MASP1: variants seen among roughly 807,000 people sequenced by gnomAD.
MASP1 encodes the protein MBL associated serine protease 1, also known as mannan-binding lectin serine protease 1.
In MASP1, 59 loss-of-function variants were observed where a neutral mutation model predicts 77.1. The ratio of observed to expected loss-of-function variants is 0.77; its 90% CI spans 0.62 to 0.95. MASP1 has a LOEUF of 0.95. MASP1 is among the 40% of genes least tolerant of loss of function. MASP1 has a pLI of 0.00. For synonymous variants in MASP1, 362 were observed against 354.5 expected, an observed-to-expected ratio of 1.02 and a Z score of -0.24; for missense variants, 885 against 912.9, an observed-to-expected ratio of 0.97 and a Z score of 0.39.
intron 11 of MASP1, among the ~76,000 whole-genome samples, chr3:187,226,692 A>T (rs1475324700): frequency 6.6e-6 from 1 of 152,164 alleles, no homozygotes; most frequent in Non-Finnish European, 1.5e-5. Flanking sequence ...TATGATCCTA[A>T]TCTGAAGATG....
chr3:187,220,802 C>T (rs952532129), intron 15 of MASP1, among the ~76,000 whole-genome samples: 3 of 152,150 alleles, frequency 2.0e-5, no homozygotes, highest in Non-Finnish European at 2.9e-5. Context: ...CCGGCCAAGG[C>T]CTCTTTCTTA....
chr3:187,274,928 C>A (rs1013442467), intron 2 of MASP1, among the ~76,000 whole-genome samples: 1 of 150,690 alleles, frequency 6.6e-6, no homozygotes, highest in Non-Finnish European at 1.5e-5. Context: ...AGGTGGGAAA[C>A]CAGCAGTGCC....
At chr3:187,291,181 C>G in intron 1 of MASP1, 1 of 209,996 alleles carries the variant, frequency 4.8e-6, no homozygotes, top group Non-Finnish European at 9.9e-6. Flanking sequence ...CAGAGCCAAG[C>G]TATGGGAAGC....
At chr3:187,282,823 G>A (rs1188527813) in intron 2 of MASP1, among the ~76,000 whole-genome samples, 1 of 152,196 alleles carries the variant, frequency 6.6e-6, no homozygotes, top group Non-Finnish European at 1.5e-5. Flanking sequence ...AAGCACAAGT[G>A]GAGAAGTCTA....
chr3:187,249,875 G>A (rs1159666326), intron 8 of MASP1, among the ~76,000 whole-genome samples: 7 of 152,224 alleles, frequency 4.6e-5, no homozygotes, highest in Non-Finnish European at 1.0e-4. Context: ...ATGGCCATGT[G>A]AAGACTAGCA....
chr3:187,237,477 G>C (rs1299532398), intron 10 of MASP1, among the ~76,000 whole-genome samples: 1 of 152,260 alleles, frequency 6.6e-6, no homozygotes, highest in African/African-American at 2.4e-5. Flanking sequence ...GGGCATCCAG[G>C]GTTGGGGAAA....
exon 16 of MASP1, chr3:187,217,313 A>G (rs1711829958): frequency 6.6e-6 from 1 of 152,214 alleles, no homozygotes; most frequent in Non-Finnish European, 1.5e-5. Flanking sequence ...ATTAGAACTA[A>G]TGTTTGTTTT....
chr3:187,266,670 A>G (rs1186160066), intron 2 of MASP1, among the ~76,000 whole-genome samples: 2 of 152,168 alleles, frequency 1.3e-5, no homozygotes, highest in Non-Finnish European at 2.9e-5. Flanking sequence ...ACTACCCATT[A>G]CCTGGCGTCA....
At chr3:187,283,863 C>G (rs527347623) in intron 2 of MASP1, among the ~76,000 whole-genome samples, 2 of 152,046 alleles carry the variant, frequency 1.3e-5, no homozygotes, top group African/African-American at 4.8e-5. Flanking sequence ...GGGAATGGGC[C>G]GGGAGATTCC....
At chr3:187,219,544 A>G (rs1711913734) in exon 16 of MASP1, 1 of 163,746 alleles carries the variant, frequency 6.1e-6, no homozygotes, top group South Asian at 1.7e-4. Context: ...AAAAAAGCAT[A>G]CAGCATTTAA....
Position 187,234,920 on chromosome 3 carries a change from A to G in MASP1, c.*764T>C. On this transcript the variant is annotated 3_prime_UTR_variant, in exon 11 of 11. Transcript: ENST00000296280. The stretch of plus-strand genomic sequence containing the variant: ...GTCAGCTGGTGTTCCAGGGTGGCAT[A>G]TGGGCCCAAATGTGTTCTGAGTTGA... 7.8e-7 allele frequency: 1 copy of G among 1,287,152 alleles called. No homozygotes were observed. Among genetic ancestry groups the G allele is most frequent in the Non-Finnish European group, 1.0e-6 (1 of 988,640 alleles). The allele number at this position is 1,287,152 out of a possible 1,614,324, so 79.7% of individuals were successfully genotyped here. A position where few individuals can be genotyped will look rare whatever the true frequency, so the allele number is the denominator to read the frequency against.
chr3:187,233,077 A>G (rs765778518), downstream of MASP1, among the ~76,000 whole-genome samples: 8 of 152,124 alleles, frequency 5.3e-5, no homozygotes, highest in Non-Finnish European at 8.8e-5. Context: ...TCACAGCCCT[A>G]TGGGTGGTGG....
rs764082735 is a variant in MASP1, at chr3:187,236,157, C to T, written c.1714G>A (p.Val572Ile). 3.1e-6 allele frequency: 5 copies of T among 1,613,974 alleles called. No individual in the cohort carries two copies. Among genetic ancestry groups the T allele is most frequent in the Non-Finnish European group, 4.2e-6 (5 of 1,180,028 alleles). ...PVPLGPHVMP[V>I]CLPRLEPEGP... ...TCAGGCTCAAGCCTTGGCAGGCAGA[C>T]AGGCATAACGTGGGGTCCCAGGGGC... is the stretch of plus-strand genomic sequence containing the variant. Residue 572 changes from valine (V) to isoleucine (I), a missense_variant, in exon 11 of 11, where the codon GTC becomes ATC. Coordinates refer to ENST00000296280, the MANE Select transcript of MASP1 (RefSeq NM_139125.4).
downstream of MASP1, chr3:187,234,013 T>C: frequency 8.9e-7 from 1 of 1,127,704 alleles, no homozygotes; most frequent in South Asian, 1.6e-5. Flanking sequence ...AGGAGACCAA[T>C]TTCTTTTCAA....
At chr3:187,230,119 T>G (rs751647996), downstream of MASP1, among the ~76,000 whole-genome samples, 2 of 152,244 alleles carry the variant, frequency 1.3e-5, no homozygotes, top group Non-Finnish European at 2.9e-5. Flanking sequence ...ACCTCTGGTT[T>G]CAGGGATAGG....
intron 2 of MASP1, among the ~76,000 whole-genome samples, chr3:187,267,292 G>A (rs751711718): frequency 5.9e-5 from 9 of 152,164 alleles, no homozygotes; most frequent in East Asian, 1.9e-4. Flanking sequence ...CAATGTTCCC[G>A]AGCTATCTCC....
chr3:187,256,775 T>C lies in MASP1; in HGVS notation c.633A>G (p.Glu211=). ...DFPNPYPKSS[E]CLYTIELEEG... Reference sequence around the variant, plus strand: ...CCTCCAGCTCGATGGTATACAGGCATTCAGAGCTCTTGGGGTAAGGGTTTG... The same window carrying C: ...CCTCCAGCTCGATGGTATACAGGCACTCAGAGCTCTTGGGGTAAGGGTTTG... The change falls in exon 5 of 11, where the codon GAA becomes GAG. Residue 211 remains glutamate (E), a synonymous_variant. Coordinates refer to ENST00000296280, the MANE Select transcript of MASP1 (RefSeq NM_139125.4). 6.2e-7 allele frequency: 1 copy of C among 1,613,872 alleles called. No homozygotes were observed. Among genetic ancestry groups the C allele is most frequent in the Non-Finnish European group, 8.5e-7 (1 of 1,179,980 alleles).
chr3:187,286,601 A>C (rs9858522), intron 1 of MASP1, among the ~76,000 whole-genome samples: 31,861 of 152,226 alleles, frequency 0.21, 3,986 homozygotes, highest in African/African-American at 0.35. Context: ...AAGGATCAAA[A>C]ACCTACAACT....
intron 9 of MASP1, chr3:187,242,416 G>A (rs1294628229): frequency 1.3e-5 from 2 of 152,432 alleles, no homozygotes; most frequent in Admixed American, 1.3e-4. Context: ...GGAGGCTGAG[G>A]CGAGAGAATT....
Sources: allele counts gnomAD v4.1 joint callset (sites outside exome capture counted in the v4.1 genomes callset), GRCh38; gene constraint gnomAD v4.1.1; transcripts MANE v1.5; gene names NCBI Gene and HGNC (gene_info 2026-07-23, HGNC 2026-07-21).